Variants in SYNRG observed in about 807,000 individuals in gnomAD.
SYNRG encodes the protein synergin gamma.
Under a neutral mutation model 130.9 loss-of-function variants are expected in SYNRG, and 37 were observed. That is an observed-to-expected ratio of 0.28 (90% CI 0.22 to 0.37). SYNRG has a LOEUF of 0.37. Ranked by LOEUF, SYNRG falls within the 10% of genes least tolerant of loss-of-function variation. The pLI, the probability that SYNRG is intolerant of heterozygous loss-of-function variation, is 1.00. For missense variants in SYNRG, 1,338 were observed against 1,588.9 expected, an observed-to-expected ratio of 0.84 and a Z score of 2.68; for synonymous variants, 539 against 568.1, an observed-to-expected ratio of 0.95 and a Z score of 0.73.
intron 19 of SYNRG, among the ~76,000 whole-genome samples, chr17:37,525,768 C>G (rs146538858): frequency 2.9e-4 from 44 of 152,156 alleles, no homozygotes; most frequent in African/African-American, 8.4e-4. Context: ...GCTTTGGAGA[C>G]CAGCCTGGCC....
intron 14 of SYNRG, among the ~76,000 whole-genome samples, chr17:37,552,492 T>C (rs917954285): frequency 1.3e-5 from 2 of 152,146 alleles, no homozygotes; most frequent in African/African-American, 4.8e-5. Flanking sequence ...TTTCCAGTAA[T>C]AGAGTTAACA....
intron 1 of SYNRG, among the ~76,000 whole-genome samples, chr17:37,605,126 T>C (rs180768744): frequency 6.6e-6 from 1 of 152,338 alleles, no homozygotes; most frequent in African/African-American, 2.4e-5. Context: ...ACTTGCTCAA[T>C]GCAGAGTTGC....
intron 19 of SYNRG, among the ~76,000 whole-genome samples, chr17:37,529,304 G>A (rs2056335537): frequency 6.6e-6 from 1 of 151,984 alleles, no homozygotes; most frequent in Non-Finnish European, 1.5e-5. Flanking sequence ...AAATTCCAAG[G>A]TCTCTTTAAA....
chr17:37,578,745 C>T (rs1431885530), intron 6 of SYNRG, among the ~76,000 whole-genome samples: 1 of 152,200 alleles, frequency 6.6e-6, no homozygotes, highest in Non-Finnish European at 1.5e-5. Context: ...AATGGACAAC[C>T]TGGGCTTCTG....
rs752896468 is a variant in SYNRG at position 37,577,431 on chromosome 17, T to G, written c.772A>C (p.Thr258Pro). Residue 258 changes from threonine to proline, a missense_variant, in exon 7 of 22, where the codon ACT becomes CCT. Around this residue, in one of 3 missense-constraint regions of SYNRG, gnomAD observed 1,146 missense variants for 1,342.3 expected, o/e 0.85. Transcript: ENST00000612223. ...TCTGAAGTATTTTCTGCCTCTGCAG[T>G]GGTGGTACCACTTACACATCCATCT... ...AVDGCVSGTT[T>P]AEAENTSDQN... 1 of 1,614,222 alleles carries G rather than the reference T, an allele frequency of 6.2e-7. No individual in the cohort carries two copies. Among genetic ancestry groups the G allele is most frequent in the South Asian group, 1.1e-5 (1 of 91,086 alleles).
chr17:37,535,098 T>C (rs1250950087), intron 19 of SYNRG, among the ~76,000 whole-genome samples: 1 of 152,120 alleles, frequency 6.6e-6, no homozygotes, highest in Non-Finnish European at 1.5e-5. Flanking sequence ...TTTACAAGCT[T>C]ATATATATGT....
intron 14 of SYNRG, among the ~76,000 whole-genome samples, chr17:37,550,286 C>T (rs576557419): frequency 1.3e-5 from 2 of 152,222 alleles, no homozygotes; most frequent in Non-Finnish European, 2.9e-5. Context: ...TTTTCTATTT[C>T]AATCCAATGC....
At chr17:37,545,376 C>A (rs955807342) in intron 14 of SYNRG, among the ~76,000 whole-genome samples, 6 of 151,984 alleles carry the variant, frequency 3.9e-5, no homozygotes, top group African/African-American at 1.5e-4. Flanking sequence ...AGCCTGGCGA[C>A]AGTTTGAGAC....
chr17:37,544,940 C>G (rs1324990101), intron 14 of SYNRG, among the ~76,000 whole-genome samples: 2 of 151,940 alleles, frequency 1.3e-5, no homozygotes, highest in African/African-American at 4.8e-5. Context: ...GGCATGGTGG[C>G]TCACAGCACT....
chr17:37,543,244 T>TA (rs34350199), intron 14 of SYNRG, among the ~76,000 whole-genome samples: 1 of 152,034 alleles, frequency 6.6e-6, no homozygotes, highest in African/African-American at 2.4e-5. Context: ...CTTTAGCCCT[T>TA]AAAAAAATAC....
At chr17:37,533,420 C>T (rs757482050) in intron 19 of SYNRG, among the ~76,000 whole-genome samples, 2 of 149,552 alleles carry the variant, frequency 1.3e-5, no homozygotes, top group Non-Finnish European at 3.0e-5. Context: ...AAAAACAAAA[C>T]AGTCTGGTAG....
rs554695084 is a variant in SYNRG, at chr17:37,561,508, T to C, written c.1563A>G (p.Ala521=). Residue 521 remains alanine (A), a synonymous_variant, in exon 12 of 22, where the codon GCA becomes GCG. Coordinates refer to ENST00000612223, the MANE Select transcript of SYNRG (RefSeq NM_007247.6). ...CAGTATTTTCAGAGGACTTGTCAGCTGCAATTCCTTTAAACACAGCATATT... is the reference window on the plus strand; with the variant it reads ...CAGTATTTTCAGAGGACTTGTCAGCCGCAATTCCTTTAAACACAGCATATT... ...MDKYAVFKGI[A]ADKSSENTVP... is the part of the protein sequence containing the mutation. 2.5e-6 allele frequency: 4 copies of C among 1,613,892 alleles called. No individual in the cohort carries two copies. In the South Asian group the frequency reaches 3.3e-5, roughly 13 times the overall value.
intron 2 of SYNRG, 124 bp from the exon 3 acceptor site, chr17:37,596,468 T>C: frequency 1.0e-6 from 1 of 966,514 alleles, no homozygotes; most frequent in South Asian, 1.7e-5. Flanking sequence ...CACAGGGTCC[T>C]GAGTGAGACA....
At chr17:37,596,788 G>C (rs1366736019) in intron 2 of SYNRG, among the ~76,000 whole-genome samples, 1 of 151,932 alleles carries the variant, frequency 6.6e-6, no homozygotes, top group African/African-American at 2.4e-5. Context: ...TTTTGAGACA[G>C]AGTCTCACTC....
intron 15 of SYNRG, 68 bp from the exon 16 acceptor site, chr17:37,540,611 T>G: frequency 8.2e-7 from 1 of 1,215,284 alleles, no homozygotes; most frequent in Non-Finnish European, 1.2e-6. Context: ...AGGCTCTTCC[T>G]CGCTACCACA....
At chr17:37,596,921 A>G (rs917963724) in intron 2 of SYNRG, among the ~76,000 whole-genome samples, 28 of 151,856 alleles carry the variant, frequency 1.8e-4, no homozygotes, top group African/African-American at 6.0e-4. Context: ...TAATTTTTGT[A>G]TTTTTTAGTA....
Position 37,539,184 on chromosome 17 carries a change from A to G in SYNRG, c.3420+8T>C, listed in dbSNP as rs778106944. 6.2e-7 allele frequency: 1 copy of G among 1,614,082 alleles called. No individual in the cohort carries two copies. Among genetic ancestry groups the G allele is most frequent in the South Asian group, 1.1e-5 (1 of 91,050 alleles). On this transcript the variant is annotated splice_region_variant and intron_variant, in intron 17 of 21. Transcript: ENST00000612223. ...ACATATGTGTGAACGCGTAAGTGACATACTCACATTCAGGGCACTCCCCAG... is the reference window on the plus strand; with the variant it reads ...ACATATGTGTGAACGCGTAAGTGACGTACTCACATTCAGGGCACTCCCCAG...
At chr17:37,557,766 A>C (rs2145538412) in intron 13 of SYNRG, among the ~76,000 whole-genome samples, 1 of 152,166 alleles carries the variant, frequency 6.6e-6, no homozygotes, top group South Asian at 2.1e-4. Context: ...AGGCTGCTTG[A>C]GTCCAGGAGT....
chr17:37,576,211 T>A, intron 8 of SYNRG, 130 bp downstream of exon 8: 1 of 812,206 alleles, frequency 1.2e-6, no homozygotes, highest in Admixed American at 2.8e-5. Context: ...CTGTACTCTT[T>A]CAGAAAAAAA....
Sources: gnomAD v4.1 joint callset for allele counts (sites outside exome capture counted in the v4.1 genomes callset) on GRCh38, gnomAD v4.1.1 for gene constraint, gnomAD v4.1.1 regional missense constraint, MANE v1.5 for transcripts, NCBI Gene and HGNC (gene_info 2026-07-23, HGNC 2026-07-21) for gene names.